DNAAF10: variants seen among roughly 807,000 people sequenced by gnomAD.
DNAAF10 encodes the protein WD repeat domain 92.
A neutral mutation model predicts 43.7 loss-of-function variants in DNAAF10; 28 were observed. The observed-to-expected ratio is 0.64, with a 90% confidence interval of 0.48 to 0.88. The LOEUF (loss-of-function observed/expected upper bound fraction) is 0.88, where lower values mean the gene tolerates loss of function less well. Among genes scored for constraint, DNAAF10 ranks in the 40% least tolerant of loss-of-function variants. The pLI, the probability that DNAAF10 is intolerant of heterozygous loss-of-function variation, is 0.00. For synonymous variants in DNAAF10, 156 were observed against 157.3 expected (o/e 0.99, Z 0.06); for missense variants, 403 against 439.1 (o/e 0.92, Z 0.73).
intron 4 of DNAAF10, 59 bp from the exon 5 acceptor site, chr2:68,138,916 T>C: frequency 8.0e-7 from 1 of 1,250,922 alleles, no homozygotes; most frequent in Non-Finnish European, 1.2e-6. Context: ...AAAGGCTGCT[T>C]TAAAAAAGTC....
intron 1 of DNAAF10, among the ~76,000 whole-genome samples, chr2:68,155,597 G>A (rs1309325037): frequency 6.6e-6 from 1 of 152,122 alleles, no homozygotes; most frequent in East Asian, 1.9e-4. Context: ...GGAGGGAGAG[G>A]CGGGAGGATG....
In DNAAF10 at chr2:68,141,583, T is replaced by A. The variant is rs2103892104; in HGVS notation, c.517+111A>T. 3 of 1,042,118 alleles carry A rather than the reference T, an allele frequency of 2.9e-6. No homozygotes were observed. In the East Asian group the frequency reaches 7.3e-5, roughly 25 times the overall value. 64.6% of individuals were successfully genotyped at this position (1,042,118 alleles called of 1,614,324 possible). A position where few individuals can be genotyped will look rare whatever the true frequency, so the allele number is the denominator to read the frequency against. ...ACCACGTGTATTTGCCTCAGTAAAC[T>A]ATTAGAATAATCCACAAAACAGACC... On this transcript the variant is annotated intron_variant, in intron 4 of 7. Transcript: ENST00000295121.
intron 2 of DNAAF10, among the ~76,000 whole-genome samples, chr2:68,146,123 G>A (rs141780558): frequency 1.3e-4 from 20 of 152,218 alleles, no homozygotes; most frequent in Admixed American, 1.1e-3. Flanking sequence ...ATTGCCAGGC[G>A]TGGTGGTGGG....
At chr2:68,150,385 A>T (rs1475296672) in intron 1 of DNAAF10, among the ~76,000 whole-genome samples, 1 of 152,218 alleles carries the variant, frequency 6.6e-6, no homozygotes, top group Admixed American at 6.5e-5. Context: ...AAGTTTTTTT[A>T]AAAATAATTT....
At chr2:68,133,787 C>T (rs888913600) in intron 7 of DNAAF10, among the ~76,000 whole-genome samples, 4 of 152,086 alleles carry the variant, frequency 2.6e-5, no homozygotes, top group African/African-American at 7.2e-5. Flanking sequence ...TGCTTTTTGT[C>T]AGCGGTATCC....
chr2:68,156,181 G>A (rs1296033346), intron 1 of DNAAF10, among the ~76,000 whole-genome samples: 1 of 148,884 alleles, frequency 6.7e-6, no homozygotes, highest in East Asian at 2.0e-4. Context: ...AGGAAAGGTA[G>A]AAAAAAATAA....
At chr2:68,151,049 T>C (rs1673446134) in intron 1 of DNAAF10, among the ~76,000 whole-genome samples, 1 of 152,230 alleles carries the variant, frequency 6.6e-6, no homozygotes, top group African/African-American at 2.4e-5. Context: ...CTATACATTT[T>C]CACAGTTGTC....
chr2:68,150,720 G>A (rs1405715872), intron 1 of DNAAF10, among the ~76,000 whole-genome samples: 2 of 152,024 alleles, frequency 1.3e-5, no homozygotes, highest in African/African-American at 4.8e-5. Context: ...GCGACAGAGA[G>A]AGACTCCGTC....
chr2:68,151,045 A>G (rs1448809768), intron 1 of DNAAF10, among the ~76,000 whole-genome samples: 1 of 152,226 alleles, frequency 6.6e-6, no homozygotes, highest in Non-Finnish European at 1.5e-5. Flanking sequence ...AGCTCTATAC[A>G]TTTTCACAGT....
chr2:68,146,797 G>A (rs12465178), intron 2 of DNAAF10, among the ~76,000 whole-genome samples: 42,371 of 151,966 alleles, frequency 0.28, 7,158 homozygotes, highest in South Asian at 0.52. Flanking sequence ...CAGGGAAGAC[G>A]GGTTTTCTAG....
intron 6 of DNAAF10, among the ~76,000 whole-genome samples, chr2:68,135,342 C>T (rs1673015289): frequency 1.3e-5 from 2 of 152,148 alleles, no homozygotes; most frequent in Admixed American, 6.5e-5. Flanking sequence ...TTGCCATTTA[C>T]CTGTCCAGTC....
intron 4 of DNAAF10, among the ~76,000 whole-genome samples, chr2:68,139,661 G>A (rs968904064): frequency 4.0e-5 from 6 of 150,856 alleles, no homozygotes; most frequent in East Asian, 1.9e-4. Context: ...AAAATTAGCC[G>A]GGTGTGGTGG....
At chr2:68,134,347 A>G in intron 7 of DNAAF10, 3 of 1,067,854 alleles carry the variant, frequency 2.8e-6, no homozygotes, top group Non-Finnish European at 3.4e-6. Flanking sequence ...TATCACAATG[A>G]TGTTATCTAA....
chr2:68,155,769 A>T (rs1274942094), intron 1 of DNAAF10, among the ~76,000 whole-genome samples: 1 of 151,972 alleles, frequency 6.6e-6, no homozygotes, highest in African/African-American at 2.4e-5. Flanking sequence ...CAGGAAGGGC[A>T]TCATACATTA....
At chr2:68,150,484 G>C (rs1195395672) in intron 1 of DNAAF10, among the ~76,000 whole-genome samples, 3 of 152,186 alleles carry the variant, frequency 2.0e-5, no homozygotes, top group Non-Finnish European at 4.4e-5. Flanking sequence ...TATAATATCA[G>C]CACTTTGGGA....
At chr2:68,140,196 A>G (rs1673145584) in intron 4 of DNAAF10, among the ~76,000 whole-genome samples, 1 of 152,120 alleles carries the variant, frequency 6.6e-6, no homozygotes, top group South Asian at 2.1e-4. Flanking sequence ...TCACTGTGCT[A>G]TGCTATCTGG....
intron 1 of DNAAF10, among the ~76,000 whole-genome samples, chr2:68,154,757 T>G (rs1673549199): frequency 2.0e-5 from 3 of 152,094 alleles, no homozygotes; most frequent in Non-Finnish European, 4.4e-5. Flanking sequence ...TTGAAATACA[T>G]ACAAATCATA....
intron 6 of DNAAF10, among the ~76,000 whole-genome samples, chr2:68,135,107 A>AT (rs1673009828): frequency 6.6e-6 from 1 of 152,178 alleles, no homozygotes; most frequent in Non-Finnish European, 1.5e-5. Context: ...TACATATTTA[A>AT]ATACCTCTAG....
chr2:68,132,980 T>C (rs1672956282), intron 7 of DNAAF10, among the ~76,000 whole-genome samples: 1 of 151,690 alleles, frequency 6.6e-6, no homozygotes, highest in Non-Finnish European at 1.5e-5. Flanking sequence ...GGACTAGTTC[T>C]TCAAGCGAGC....
Sources: gnomAD v4.1 joint callset for allele counts (sites outside exome capture counted in the v4.1 genomes callset) on GRCh38, gnomAD v4.1.1 for gene constraint, MANE v1.5 for transcripts, NCBI Gene and HGNC (gene_info 2026-07-23, HGNC 2026-07-21) for gene names.